SLC16A12: variants seen among roughly 807,000 people sequenced by gnomAD.
The protein encoded by SLC16A12 is monocarboxylate transporter 12.
A neutral mutation model predicts 42.4 loss-of-function variants in SLC16A12; 17 were observed. The ratio of observed to expected loss-of-function variants is 0.40; its 90% CI spans 0.27 to 0.60. SLC16A12 has a LOEUF of 0.60. SLC16A12 is among the 20% of genes least tolerant of loss of function. SLC16A12 has a pLI of 0.42. For synonymous variants in SLC16A12, 224 were observed against 229.4 expected, an observed-to-expected ratio of 0.98 and a Z score of 0.21; for missense variants, 544 against 623.0, an observed-to-expected ratio of 0.87 and a Z score of 1.35.
At chr10:89,444,892 C>T (rs1841973979) in intron 3 of SLC16A12, among the ~76,000 whole-genome samples, 1 of 152,226 alleles carries the variant, frequency 6.6e-6, no homozygotes, top group Admixed American at 6.5e-5. Flanking sequence ...GGCACTGCCA[C>T]CTAAATACTA....
chr10:89,537,373 T>C (rs968612482), upstream of SLC16A12, among the ~76,000 whole-genome samples: 3 of 152,028 alleles, frequency 2.0e-5, no homozygotes, highest in African/African-American at 7.2e-5. Context: ...AGTATAGTCC[T>C]TTCTCATTTT....
At chr10:89,446,706 G>C (rs1842008037) in intron 3 of SLC16A12, among the ~76,000 whole-genome samples, 1 of 152,002 alleles carries the variant, frequency 6.6e-6, no homozygotes, top group Non-Finnish European at 1.5e-5. Context: ...TCAACTAATG[G>C]GCAAAATAAC....
In SLC16A12 at chr10:89,509,193, T is replaced by A. The variant is rs184409365; in HGVS notation, c.-47+25308A>T. Among the ~76,000 whole-genome samples the A allele has an allele frequency of 2.0e-3, 304 of 152,318 alleles. 3 individuals are homozygous for A. Among genetic ancestry groups the A allele is most frequent in the Non-Finnish European group, 1.2e-3 (80 of 68,034 alleles). On this transcript the variant is annotated intron_variant, in intron 2 of 7. Transcript: ENST00000371790. ...AAAGAGGAGCTGGTACCATTCCTTC[T>A]GAAACTATTCCAATCAATAGAAAAA...
At chr10:89,546,233 TATC>T (rs1252543397) in intron 2 of SLC16A12, among the ~76,000 whole-genome samples, 2 of 151,784 alleles carry the variant, frequency 1.3e-5, no homozygotes, top group African/African-American at 4.8e-5. Context: ...GCAAAAGAAA[TATC>T]ATCAGAGGGA....
intron 2 of SLC16A12, among the ~76,000 whole-genome samples, chr10:89,547,913 A>G (rs1324511051): frequency 2.8e-5 from 4 of 142,812 alleles, no homozygotes; most frequent in Admixed American, 7.6e-5. Context: ...ACTTTAACCC[A>G]GGAGGCAGAG....
At chr10:89,440,001 G>C (rs1032380875) in intron 5 of SLC16A12, among the ~76,000 whole-genome samples, 15 of 141,860 alleles carry the variant, frequency 1.1e-4, no homozygotes, top group African/African-American at 3.4e-4. Flanking sequence ...CTTGAGCCCA[G>C]GAGACAGAGG....
chr10:89,480,355 T>C (rs1842644991), intron 2 of SLC16A12, among the ~76,000 whole-genome samples: 2 of 152,226 alleles, frequency 1.3e-5, no homozygotes. Context: ...GCTGTGTACA[T>C]TGCAGTGAAT....
chr10:89,535,790 C>A (rs1843648912), upstream of SLC16A12, among the ~76,000 whole-genome samples: 2 of 152,032 alleles, frequency 1.3e-5, no homozygotes, highest in African/African-American at 4.8e-5. Flanking sequence ...CCCCAGGCTG[C>A]GCGATCCGCG....
At chr10:89,488,719 C>T (rs909981904) in intron 2 of SLC16A12, among the ~76,000 whole-genome samples, 1 of 152,146 alleles carries the variant, frequency 6.6e-6, no homozygotes, top group Non-Finnish European at 1.5e-5. Context: ...GGGGGATTCC[C>T]GAAGGACCAA....
chr10:89,512,149 G>C (rs185865219), intron 2 of SLC16A12, among the ~76,000 whole-genome samples: 2 of 152,108 alleles, frequency 1.3e-5, no homozygotes, highest in Non-Finnish European at 2.9e-5. Flanking sequence ...AGGGCCTGAC[G>C]GAGAGCAGAA....
At chr10:89,555,726 G>T (rs904803312) in intron 2 of SLC16A12, among the ~76,000 whole-genome samples, 1 of 142,784 alleles carries the variant, frequency 7.0e-6, no homozygotes, top group Non-Finnish European at 1.5e-5. Context: ...TATATTCCAT[G>T]CAGTAGGGAA....
chr10:89,547,413 A>G (rs1206229004), intron 2 of SLC16A12, among the ~76,000 whole-genome samples: 2 of 152,216 alleles, frequency 1.3e-5, no homozygotes, highest in Non-Finnish European at 1.5e-5. Context: ...ATGGCTCTCT[A>G]TCATCTCTAT....
intron 6 of SLC16A12, among the ~76,000 whole-genome samples, chr10:89,438,137 CTT>C (rs764448954): frequency 0.095 from 14,520 of 152,196 alleles, 769 homozygotes; most frequent in Middle Eastern, 0.18. Context: ...TTACCCTAGG[CTT>C]CTGCAATTTA....
At chr10:89,494,884 A>G (rs536153358) in intron 2 of SLC16A12, among the ~76,000 whole-genome samples, 240 of 152,232 alleles carry the variant, frequency 1.6e-3, no homozygotes, top group Non-Finnish European at 2.2e-3. Flanking sequence ...CCCTGGAAGA[A>G]AACTGGTATT....
chr10:89,468,555 T>C (rs915222485), intron 2 of SLC16A12, among the ~76,000 whole-genome samples: 6 of 152,214 alleles, frequency 3.9e-5, no homozygotes, highest in African/African-American at 1.2e-4. Context: ...GCACCATTCA[T>C]GTGAGTGACC....
At chr10:89,526,496 G>A (rs1293224749) in intron 2 of SLC16A12, among the ~76,000 whole-genome samples, 2 of 152,294 alleles carry the variant, frequency 1.3e-5, no homozygotes, top group East Asian at 3.9e-4. Context: ...GATTTCCCAG[G>A]CTTTTCAACA....
At chr10:89,433,382 C>A in intron 7 of SLC16A12, 56 bp from the exon 8 acceptor site, 1 of 1,566,864 alleles carries the variant, frequency 6.4e-7, no homozygotes, top group East Asian at 2.3e-5. Context: ...ATTGCTTACC[C>A]ACTCTCAAAT....
intron 2 of SLC16A12, among the ~76,000 whole-genome samples, chr10:89,464,192 T>G (rs182408575): frequency 2.5e-4 from 38 of 152,282 alleles, no homozygotes; most frequent in South Asian, 2.5e-3. Context: ...GGTCTTTTGT[T>G]TTTTGCTTTT....
chr10:89,455,914 C>G (rs1048150298), intron 3 of SLC16A12: 2 of 152,210 alleles, frequency 1.3e-5, no homozygotes, highest in African/African-American at 4.8e-5. Flanking sequence ...TTTCAGTGTT[C>G]ATAGGCTCTG....
Sources: gnomAD v4.1 joint callset for allele counts (sites outside exome capture counted in the v4.1 genomes callset) on GRCh38, gnomAD v4.1.1 for gene constraint, MANE v1.5 for transcripts, NCBI Gene and HGNC (gene_info 2026-07-23, HGNC 2026-07-21) for gene names.